The following SCN11A variants were observed in gnomAD, a reference collection of about 807,000 sequenced individuals.
SCN11A encodes the protein sodium channel protein type 11 subunit alpha.
SCN11A carries 122 observed loss-of-function variants against 162.2 expected under a neutral mutation model. That is an observed-to-expected ratio of 0.75 (90% CI 0.65 to 0.87). SCN11A has a LOEUF of 0.87. Ranked by LOEUF, SCN11A falls within the 40% of genes least tolerant of loss-of-function variation. The probability of loss-of-function intolerance (pLI) is 0.00; values close to 1 mark genes in which losing one functional copy is unlikely to be tolerated. For synonymous variants in SCN11A, 758 were observed against 751.5 expected (o/e 1.01, Z -0.14); for missense variants, 2,015 against 2,181.6 (o/e 0.92, Z 1.52).
At chr3:38,999,369 CAT>C (rs1325418627) in intron 2 of SCN11A, among the ~76,000 whole-genome samples, 1 of 152,176 alleles carries the variant, frequency 6.6e-6, no homozygotes, top group Non-Finnish European at 1.5e-5. Flanking sequence ...TGGCATCCAT[CAT>C]TTCTCATTTG....
intron 2 of SCN11A, among the ~76,000 whole-genome samples, chr3:39,007,575 C>A (rs966974879): frequency 6.6e-6 from 1 of 152,096 alleles, no homozygotes; most frequent in African/African-American, 2.4e-5. Flanking sequence ...ATCAGTTATG[C>A]CTACATAAAG....
chr3:39,009,237 A>C (rs2031060964), intron 2 of SCN11A, among the ~76,000 whole-genome samples: 1 of 152,020 alleles, frequency 6.6e-6, no homozygotes, highest in African/African-American at 2.4e-5. Context: ...TTTCATGAAA[A>C]ATGTTAACAT....
chr3:38,856,571 C>A (rs2064872775), intron 28 of SCN11A, among the ~76,000 whole-genome samples: 2 of 152,130 alleles, frequency 1.3e-5, no homozygotes, highest in African/African-American at 2.4e-5. Flanking sequence ...GGTCTCCCAG[C>A]CACCTTCATC....
intron 23 of SCN11A, among the ~76,000 whole-genome samples, chr3:38,874,085 T>C (rs1486114624): frequency 1.3e-5 from 2 of 152,200 alleles, no homozygotes; most frequent in African/African-American, 4.8e-5. Flanking sequence ...CTTGGATCTA[T>C]AACAAGTGAT....
At chr3:38,979,861 C>T (rs2029952720) in intron 2 of SCN11A, among the ~76,000 whole-genome samples, 1 of 152,188 alleles carries the variant, frequency 6.6e-6, no homozygotes, top group Non-Finnish European at 1.5e-5. Flanking sequence ...CTCCCAACTC[C>T]CATTTCCCCA....
At chr3:38,930,467 G>T (rs1379844354) in intron 7 of SCN11A, among the ~76,000 whole-genome samples, 1 of 152,192 alleles carries the variant, frequency 6.6e-6, no homozygotes, top group Non-Finnish European at 1.5e-5. Flanking sequence ...GGCATTAAAA[G>T]AGTTTAAAAA....
At chr3:38,934,083 GA>G (rs1559541895) in intron 7 of SCN11A, among the ~76,000 whole-genome samples, 1 of 152,174 alleles carries the variant, frequency 6.6e-6, no homozygotes, top group African/African-American at 2.4e-5. Context: ...CATTCTTAAA[GA>G]AAAGAATTTT....
At chr3:38,956,256 C>T (rs2066680423) in intron 3 of SCN11A, among the ~76,000 whole-genome samples, 1 of 151,174 alleles carries the variant, frequency 6.6e-6, no homozygotes, top group South Asian at 2.1e-4. Context: ...AAAAAAAAAG[C>T]AAAAACAAAC....
chr3:38,965,181 T>C (rs2066774200), intron 2 of SCN11A, among the ~76,000 whole-genome samples: 1 of 152,226 alleles, frequency 6.6e-6, no homozygotes, highest in South Asian at 2.1e-4. Flanking sequence ...AGCATACTCA[T>C]TGAGAAGAGT....
intron 2 of SCN11A, among the ~76,000 whole-genome samples, chr3:38,981,996 A>G (rs1174181877): frequency 6.6e-6 from 1 of 150,986 alleles, no homozygotes; most frequent in Admixed American, 6.6e-5. Flanking sequence ...TGAGCAACAG[A>G]GTGAGACTCT....
chr3:39,038,136 T>C (rs867915088), intron 1 of SCN11A, among the ~76,000 whole-genome samples: 63 of 152,226 alleles, frequency 4.1e-4, no homozygotes, highest in African/African-American at 1.5e-3. Context: ...TTATCTTTTG[T>C]TGCAATGCAA....
intron 3 of SCN11A, among the ~76,000 whole-genome samples, 132 bp from the exon 4 acceptor site, chr3:38,953,891 C>T (rs943768015): frequency 6.6e-6 from 1 of 152,266 alleles, no homozygotes; most frequent in East Asian, 1.9e-4. Flanking sequence ...AGGAAGGCAC[C>T]ATACTGAAGA....
At chr3:38,928,902 C>A (rs187933298) in intron 7 of SCN11A, among the ~76,000 whole-genome samples, 2 of 152,002 alleles carry the variant, frequency 1.3e-5, no homozygotes, top group Admixed American at 6.6e-5. Flanking sequence ...TAAAAATAGA[C>A]CTGCTATATG....
chr3:38,864,268 G>T (rs796714418), intron 27 of SCN11A, among the ~76,000 whole-genome samples: 2 of 152,080 alleles, frequency 1.3e-5, no homozygotes, highest in South Asian at 4.1e-4. Context: ...GAGGGTTTGG[G>T]GTTTGACTTT....
intron 25 of SCN11A, among the ~76,000 whole-genome samples, 169 bp from the exon 26 acceptor site, chr3:38,870,913 T>G (rs1282946888): frequency 6.6e-6 from 1 of 152,084 alleles, no homozygotes; most frequent in African/African-American, 2.4e-5. Flanking sequence ...AACTCAAGGG[T>G]GTGTGTCTTG....
chr3:39,047,064 A>G (rs564472417), intron 1 of SCN11A, among the ~76,000 whole-genome samples: 4,612 of 26,390 alleles, frequency 0.17, 597 homozygotes, highest in African/African-American at 0.42. Context: ...CCCCACCCCC[A>G]CCCCCTTTTT....
chr3:39,030,609 T>C (rs764362022), intron 2 of SCN11A, among the ~76,000 whole-genome samples: 8 of 152,208 alleles, frequency 5.3e-5, no homozygotes, highest in Non-Finnish European at 1.0e-4. Context: ...TTATTTTTAA[T>C]AATGCGACAT....
At chr3:38,951,470 C>G (rs1214821915) in intron 4 of SCN11A, among the ~76,000 whole-genome samples, 1 of 152,256 alleles carries the variant, frequency 6.6e-6, no homozygotes, top group Non-Finnish European at 1.5e-5. Flanking sequence ...GGAGCCTCCC[C>G]GACAAGCACC....
intron 2 of SCN11A, among the ~76,000 whole-genome samples, chr3:38,984,574 G>C (rs1468799175): frequency 6.6e-6 from 1 of 151,732 alleles, no homozygotes; most frequent in African/African-American, 2.4e-5. Context: ...GCAATGTCAT[G>C]ATCTTGGCTC....
Sources: allele counts gnomAD v4.1 joint callset (sites outside exome capture counted in the v4.1 genomes callset), GRCh38; gene constraint gnomAD v4.1.1; transcripts MANE v1.5; gene names NCBI Gene and HGNC (gene_info 2026-07-23, HGNC 2026-07-21).